FAM227A: variants seen among roughly 807,000 people sequenced by gnomAD.
The protein encoded by FAM227A is family with sequence similarity 227 member A.
Under a neutral mutation model 74.7 loss-of-function variants are expected in FAM227A, and 80 were observed. The ratio of observed to expected loss-of-function variants is 1.07; its 90% CI spans 0.89 to 1.29. The LOEUF (loss-of-function observed/expected upper bound fraction) is 1.29, where lower values mean the gene tolerates loss of function less well. Ranked by LOEUF, FAM227A falls within the 50% of genes most tolerant of loss-of-function variation. The pLI is 0.00. For synonymous variants in FAM227A, 237 were observed against 241.8 expected, an observed-to-expected ratio of 0.98 and a Z score of 0.19; for missense variants, 654 against 683.4, an observed-to-expected ratio of 0.96 and a Z score of 0.48.
chr22:38,582,296 TC>T lies in FAM227A; in HGVS notation c.*3828del. 1 of 1,512,108 alleles carries T rather than the reference TC, an allele frequency of 6.6e-7. No individual in the cohort carries two copies. The highest frequency in any genetic ancestry group is 9.0e-7 in the Non-Finnish European group (1 of 1,114,342). 93.7% of individuals were successfully genotyped at this position (1,512,108 alleles called of 1,614,324 possible). On this transcript the variant is annotated 3_prime_UTR_variant, in exon 17 of 17. Transcript: ENST00000535113. ...CTAAAACATACATTTCATCATCAAT[TC>T]ATAAGCAATTCAAAATCAGGACTAT...
intron 3 of FAM227A, among the ~76,000 whole-genome samples, chr22:38,643,291 G>A (rs934213890): frequency 4.0e-5 from 6 of 150,938 alleles, no homozygotes; most frequent in Admixed American, 6.6e-5. Flanking sequence ...ACTCCTGCCC[G>A]GGTGACAGAG....
In FAM227A at chr22:38,583,169, TAC is replaced by T; in HGVS notation, c.*2954_*2955del. On this transcript the variant is annotated 3_prime_UTR_variant, in exon 17 of 17. Coordinates refer to ENST00000535113, the MANE Select transcript of FAM227A (RefSeq NM_001013647.2). ...CACACGTTCTGGTTTCAGAAGACTA[TAC>T]TTTTTTTTTTTTTTTTTTGAGATGG... is the stretch of plus-strand genomic sequence containing the variant. 2.4e-6 allele frequency: 1 copy of T among 423,568 alleles called. No individual in the cohort carries two copies. Among genetic ancestry groups the T allele is most frequent in the East Asian group, 4.1e-5 (1 of 24,416 alleles). 26.2% of individuals were successfully genotyped at this position (423,568 alleles called of 1,614,324 possible).
chr22:38,606,623 GATTTCCAGGGCGA>G (rs1381413778), intron 12 of FAM227A, among the ~76,000 whole-genome samples: 2 of 152,260 alleles, frequency 1.3e-5, no homozygotes, highest in African/African-American at 2.4e-5. Context: ...CATTACTCAT[GATTTCCAGGGCGA>G]ATTGCCAGGG....
At chr22:38,603,923 A>C (rs2091228536) in intron 13 of FAM227A, among the ~76,000 whole-genome samples, 1 of 152,202 alleles carries the variant, frequency 6.6e-6, no homozygotes, top group Non-Finnish European at 1.5e-5. Context: ...GTTTTATATA[A>C]TCTTAGAATG....
intron 15 of FAM227A, among the ~76,000 whole-genome samples, chr22:38,596,106 G>A (rs951445751): frequency 6.6e-6 from 1 of 152,150 alleles, no homozygotes; most frequent in Non-Finnish European, 1.5e-5. Context: ...CAGATCACCT[G>A]AGGTCAGGCG....
chr22:38,591,376 C>A, intron 16 of FAM227A, 59 bp downstream of exon 16: 1 of 1,531,274 alleles, frequency 6.5e-7, no homozygotes, highest in East Asian at 2.5e-5. Flanking sequence ...CACACTTCTA[C>A]CTTTCCCATG....
intron 2 of FAM227A, 118 bp downstream of exon 2, chr22:38,649,909 T>A: frequency 3.5e-6 from 3 of 861,096 alleles, no homozygotes; most frequent in Non-Finnish European, 5.2e-6. Context: ...AATGAATGTA[T>A]AAGGGACAAG....
chr22:38,615,358 A>C (rs988648843), intron 11 of FAM227A, among the ~76,000 whole-genome samples: 5 of 152,216 alleles, frequency 3.3e-5, no homozygotes, highest in Non-Finnish European at 7.3e-5. Flanking sequence ...GACAAACTCT[A>C]AACAACACAT....
At chr22:38,652,650 G>A (rs1365935628) in intron 1 of FAM227A, among the ~76,000 whole-genome samples, 1 of 150,754 alleles carries the variant, frequency 6.6e-6, no homozygotes, top group Non-Finnish European at 1.5e-5. Context: ...ACTTTGGGAA[G>A]CCGAGGCAGG....
At chr22:38,641,001 G>C (rs946270948) in intron 3 of FAM227A, among the ~76,000 whole-genome samples, 10 of 152,152 alleles carry the variant, frequency 6.6e-5, no homozygotes, top group Admixed American at 5.9e-4. Flanking sequence ...TTTAAGGCAT[G>C]AGGAATGAAT....
At chr22:38,619,313 CTTAT>C (rs377131481) in intron 11 of FAM227A, among the ~76,000 whole-genome samples, 16 of 151,602 alleles carry the variant, frequency 1.1e-4, no homozygotes, top group South Asian at 2.1e-4. Flanking sequence ...GAAGTAGGAT[CTTAT>C]TTATTTATTT....
chr22:38,655,343 A>G (rs1033386244), intron 1 of FAM227A, among the ~76,000 whole-genome samples: 8 of 151,626 alleles, frequency 5.3e-5, no homozygotes, highest in Non-Finnish European at 1.0e-4. Context: ...CAGCCTGGCC[A>G]ACATGGTGAA....
intron 11 of FAM227A, among the ~76,000 whole-genome samples, chr22:38,609,662 C>T (rs1373205214): frequency 6.6e-6 from 1 of 152,164 alleles, no homozygotes; most frequent in Non-Finnish European, 1.5e-5. Context: ...TCCCAGACAT[C>T]GTGCAGCTGG....
intron 13 of FAM227A, among the ~76,000 whole-genome samples, chr22:38,604,183 C>A (rs565366791): frequency 5.1e-4 from 78 of 151,992 alleles, no homozygotes; most frequent in African/African-American, 1.9e-3. Context: ...AAAAATTAGC[C>A]GGGTGTGGTG....
At chr22:38,591,752 C>A (rs146589256) in intron 15 of FAM227A, among the ~76,000 whole-genome samples, 64 of 152,192 alleles carry the variant, frequency 4.2e-4, no homozygotes, top group Non-Finnish European at 6.9e-4. Context: ...GCACTCGGAT[C>A]GAGAAAGAGA....
chr22:38,610,329 G>A (rs2091385265), intron 11 of FAM227A, among the ~76,000 whole-genome samples: 1 of 152,128 alleles, frequency 6.6e-6, no homozygotes, highest in Non-Finnish European at 1.5e-5. Context: ...CTGGCAACCT[G>A]GCAAGGCTCA....
chr22:38,633,207 G>C (rs1382726594), intron 6 of FAM227A, among the ~76,000 whole-genome samples: 1 of 152,170 alleles, frequency 6.6e-6, no homozygotes, highest in Non-Finnish European at 1.5e-5. Flanking sequence ...TCGAAGACGG[G>C]GCACAAATTT....
intron 6 of FAM227A, among the ~76,000 whole-genome samples, chr22:38,636,157 T>C (rs1228127895): frequency 6.6e-6 from 1 of 152,090 alleles, no homozygotes; most frequent in Admixed American, 6.6e-5. Flanking sequence ...TGCATTGTAG[T>C]GATTGGCAAC....
At chr22:38,613,088 A>ATAT (rs2091454993) in intron 11 of FAM227A, among the ~76,000 whole-genome samples, 1 of 97,434 alleles carries the variant, frequency 1.0e-5, no homozygotes, top group Non-Finnish European at 1.9e-5. Context: ...ATAATTATAT[A>ATAT]TATATATTAT....
Sources: gnomAD v4.1 joint callset for allele counts (sites outside exome capture counted in the v4.1 genomes callset) on GRCh38, gnomAD v4.1.1 for gene constraint, MANE v1.5 for transcripts, NCBI Gene and HGNC (gene_info 2026-07-23, HGNC 2026-07-21) for gene names.